Variants in KAZN observed in about 807,000 individuals in gnomAD.
KAZN encodes the protein kazrin, periplakin interacting protein, also known as kazrin.
KAZN carries 40 observed loss-of-function variants against 87.4 expected under a neutral mutation model. The observed-to-expected ratio is 0.46, with a 90% CI of 0.36 to 0.60. KAZN has a LOEUF of 0.60. Ranked by LOEUF, KAZN falls within the 20% of genes least tolerant of loss-of-function variation. The probability of loss-of-function intolerance (pLI) is 0.00; values close to 1 mark genes in which losing one functional copy is unlikely to be tolerated. For synonymous variants in KAZN, 466 were observed against 458.3 expected (o/e 1.02, Z -0.22); for missense variants, 898 against 1,073.9 (o/e 0.84, Z 2.29).
intron 2 of KAZN, among the ~76,000 whole-genome samples, chr1:14,342,479 C>T (rs964411040): frequency 1.3e-5 from 2 of 152,198 alleles, no homozygotes; most frequent in Non-Finnish European, 2.9e-5. Flanking sequence ...AGCATACAAA[C>T]TCTATGAGGG....
chr1:14,945,090 C>T (rs1397220103), intron 1 of KAZN, among the ~76,000 whole-genome samples: 1 of 152,204 alleles, frequency 6.6e-6, no homozygotes, highest in Non-Finnish European at 1.5e-5. Context: ...GCTCCTTATC[C>T]CTTTTGCCTT....
chr1:14,002,198 A>G (rs1360412154), intron 1 of KAZN, among the ~76,000 whole-genome samples: 1 of 152,256 alleles, frequency 6.6e-6, no homozygotes, highest in Non-Finnish European at 1.5e-5. Context: ...AAGGACATGA[A>G]CAGACCGTTC....
intron 1 of KAZN, among the ~76,000 whole-genome samples, chr1:13,990,606 T>C (rs562210793): frequency 1.3e-5 from 2 of 152,326 alleles, no homozygotes; most frequent in South Asian, 4.1e-4. Context: ...GAGGTTTGGG[T>C]TACATAGGTG....
chr1:14,864,186 A>G (rs1367221208), intron 1 of KAZN, among the ~76,000 whole-genome samples: 3 of 152,210 alleles, frequency 2.0e-5, no homozygotes, highest in African/African-American at 4.8e-5. Context: ...CTTTCTTTAC[A>G]AGGTGAATGT....
At chr1:14,137,593 GATA>G (rs1322971475) in intron 1 of KAZN, among the ~76,000 whole-genome samples, 1 of 151,042 alleles carries the variant, frequency 6.6e-6, no homozygotes, top group East Asian at 2.0e-4. Context: ...AAATAAGAAT[GATA>G]ATAATATTCA....
chr1:14,466,841 C>A (rs567377337), intron 2 of KAZN, among the ~76,000 whole-genome samples: 2 of 151,974 alleles, frequency 1.3e-5, no homozygotes, highest in East Asian at 3.9e-4. Context: ...TGGTGGCGGG[C>A]GCCTGTGGTC....
At chr1:14,693,767 G>A (rs768446532) in intron 1 of KAZN, among the ~76,000 whole-genome samples, 8 of 152,194 alleles carry the variant, frequency 5.3e-5, no homozygotes, top group Non-Finnish European at 1.0e-4. Flanking sequence ...CTGGAAGTAT[G>A]TTTCAGGGAA....
chr1:14,809,009 T>C (rs1414290815), intron 1 of KAZN, among the ~76,000 whole-genome samples: 1 of 152,170 alleles, frequency 6.6e-6, no homozygotes, highest in Non-Finnish European at 1.5e-5. Context: ...AAAAAGAGTT[T>C]CTAGTCATGT....
At chr1:14,435,328 T>A (rs1666318449) in intron 2 of KAZN, among the ~76,000 whole-genome samples, 1 of 152,178 alleles carries the variant, frequency 6.6e-6, no homozygotes, top group Admixed American at 6.5e-5. Flanking sequence ...TGAAACTGAA[T>A]ACCCAAGAGC....
intron 2 of KAZN, among the ~76,000 whole-genome samples, chr1:14,233,734 CCA>C (rs1648093652): frequency 6.6e-6 from 1 of 152,192 alleles, no homozygotes; most frequent in Admixed American, 6.5e-5. Context: ...CAGAAAACCT[CCA>C]CAGTGTGTCT....
chr1:14,037,003 C>T (rs1446105757), intron 1 of KAZN, among the ~76,000 whole-genome samples: 1 of 152,146 alleles, frequency 6.6e-6, no homozygotes, highest in Non-Finnish European at 1.5e-5. Context: ...TGGTCTCAAA[C>T]TCCTGACCTT....
At chr1:14,427,382 C>T (rs1157922962) in intron 2 of KAZN, among the ~76,000 whole-genome samples, 1 of 152,180 alleles carries the variant, frequency 6.6e-6, no homozygotes, top group Non-Finnish European at 1.5e-5. Context: ...AGATAATGTA[C>T]ATGAAACTTT....
chr1:14,569,859 T>C (rs982635570), intron 2 of KAZN, among the ~76,000 whole-genome samples: 3 of 151,258 alleles, frequency 2.0e-5, no homozygotes, highest in Non-Finnish European at 4.4e-5. Context: ...ACACCTGTAA[T>C]CCCAGCACTT....
At chr1:14,788,345 G>C (rs1557490363) in intron 1 of KAZN, among the ~76,000 whole-genome samples, 1 of 152,192 alleles carries the variant, frequency 6.6e-6, no homozygotes, top group Admixed American at 6.5e-5. Context: ...AAAGATGGTT[G>C]GGACTCCAAT....
rs150372919 is a variant in KAZN at position 14,913,780 on chromosome 1, G to A, written c.227-46904G>A. On this transcript the variant is annotated intron_variant, in intron 1 of 14. Transcript: ENST00000376030. The stretch of plus-strand genomic sequence containing the variant: ...GAAGCTAGGAGTCGCTCGGGCTGAC[G>A]TGCCTGAGTTCTGGTGGGCGGGTAG... Among the ~76,000 whole-genome samples, 521 of 152,352 alleles carry A rather than the reference G, an allele frequency of 3.4e-3. 3 individuals carry two copies. Among genetic ancestry groups the A allele is most frequent in the African/African-American group, 0.011 (475 of 41,594 alleles).
At chr1:14,293,355 G>A (rs551495758) in intron 2 of KAZN, among the ~76,000 whole-genome samples, 113 of 152,224 alleles carry the variant, frequency 7.4e-4, no homozygotes, top group African/African-American at 2.7e-3. Context: ...CCCTCAGCAC[G>A]AACAGCTAAA....
chr1:14,852,355 A>G (rs1649553152), intron 1 of KAZN, among the ~76,000 whole-genome samples: 1 of 152,222 alleles, frequency 6.6e-6, no homozygotes, highest in African/African-American at 2.4e-5. Flanking sequence ...AGCCCAGCTG[A>G]TCTTGAATGG....
At chr1:13,976,022 C>T (rs963172076) in intron 1 of KAZN, among the ~76,000 whole-genome samples, 2 of 152,162 alleles carry the variant, frequency 1.3e-5, no homozygotes, top group Admixed American at 6.5e-5. Flanking sequence ...AATTCAGATG[C>T]CTGGGTGATT....
intron 1 of KAZN, among the ~76,000 whole-genome samples, chr1:14,716,448 T>C (rs1642799486): frequency 6.6e-6 from 1 of 152,188 alleles, no homozygotes; most frequent in African/African-American, 2.4e-5. Flanking sequence ...TCCAATCTTT[T>C]TTCACATCTG....
Sources: allele counts gnomAD v4.1 joint callset (sites outside exome capture counted in the v4.1 genomes callset), GRCh38; gene constraint gnomAD v4.1.1; transcripts MANE v1.5; gene names NCBI Gene and HGNC (gene_info 2026-07-23, HGNC 2026-07-21).